ZC3H12B: variants seen among roughly 807,000 people sequenced by gnomAD.
ZC3H12B encodes zinc finger CCCH-type containing 12B.
Under a neutral mutation model 43.9 loss-of-function variants are expected in ZC3H12B, and 7 were observed. The ratio of observed to expected loss-of-function variants is 0.16; its 90% CI spans 0.09 to 0.30. The LOEUF is 0.30. ZC3H12B is among the 10% of genes least tolerant of loss of function. ZC3H12B has a pLI of 1.00. For synonymous variants in ZC3H12B, 222 were observed against 241.7 expected, an observed-to-expected ratio of 0.92 and a Z score of 0.76; for missense variants, 475 against 670.2, an observed-to-expected ratio of 0.71 and a Z score of 3.22.
the ZC3H12B span, among the ~76,000 whole-genome samples, chrX:65,227,394 G>A: frequency 2.4e-4 from 27 of 111,691 alleles, no homozygotes; most frequent in East Asian, 5.6e-4. Flanking sequence ...TGTGTACAGG[G>A]AAATTTATAA....
intron 2 of ZC3H12B, among the ~76,000 whole-genome samples, chrX:65,377,838 C>G (rs2066368352): frequency 9.0e-6 from 1 of 111,336 alleles, no homozygotes; most frequent in Non-Finnish European, 1.9e-5. Context: ...AGCAGCTCAG[C>G]CTGTAATCCC....
At chrX:65,386,856 C>T (rs772623878) in intron 2 of ZC3H12B, among the ~76,000 whole-genome samples, 59 of 111,414 alleles carry the variant, frequency 5.3e-4, no homozygotes, top group Non-Finnish European at 1.0e-3. Flanking sequence ...TCTTTGTTCT[C>T]GTTGGTTTCA....
At chrX:65,371,915 C>T (rs1476685397) in intron 2 of ZC3H12B, among the ~76,000 whole-genome samples, 1 of 111,346 alleles carries the variant, frequency 9.0e-6, no homozygotes, top group Non-Finnish European at 1.9e-5. Flanking sequence ...GTGTACCTCA[C>T]ACTTCTTTCA....
At position 65,489,553 on chromosome X, in the gene ZC3H12B, C is replaced by G. The variant is rs748197549; in HGVS notation, c.608+144C>G. ...GAAGGTGGCCAGAGACTAAAATGAT[C>G]CTGCCCTTGCCTTTTCTTCTTCCAC... On this transcript the variant is annotated intron_variant, in intron 1 of 4. Coordinates refer to ENST00000338957, the Ensembl canonical transcript of ZC3H12B. 1.7e-5 allele frequency: 13 copies of G among 752,049 alleles called. No homozygotes were observed. In the African/African-American group the frequency reaches 2.8e-4, roughly 16 times the overall value. 62.0% of individuals were successfully genotyped at this position (752,049 alleles called of 1,213,427 possible).
At chrX:65,168,831 G>T in the ZC3H12B span, among the ~76,000 whole-genome samples, 3 of 111,654 alleles carry the variant, frequency 2.7e-5, no homozygotes. Context: ...TTTTGTAGAG[G>T]TGTTTATACT....
At chrX:65,193,997 G>T in the ZC3H12B span, among the ~76,000 whole-genome samples, 1 of 110,501 alleles carries the variant, frequency 9.0e-6, no homozygotes, top group African/African-American at 3.3e-5. Context: ...TCATGTGGCT[G>T]GAGCAAGAGG....
chrX:65,228,796 G>C, the ZC3H12B span, among the ~76,000 whole-genome samples: 1 of 111,658 alleles, frequency 9.0e-6, no homozygotes, highest in African/African-American at 3.3e-5. Context: ...GCTTCAAAGA[G>C]AATAAAATAC....
chrX:65,407,700 C>A (rs1251136364), intron 3 of ZC3H12B, among the ~76,000 whole-genome samples: 2 of 113,706 alleles, frequency 1.8e-5, no homozygotes, highest in African/African-American at 6.4e-5. Context: ...GCCGCGCACG[C>A]GGATCCCCGA....
chrX:65,214,247 A>T, the ZC3H12B span, among the ~76,000 whole-genome samples: 2 of 111,160 alleles, frequency 1.8e-5, no homozygotes, highest in South Asian at 7.6e-4. Context: ...TAAAACAACA[A>T]TTAAATTTGC....
At chrX:65,251,161 GC>G in the ZC3H12B span, among the ~76,000 whole-genome samples, 1 of 111,804 alleles carries the variant, frequency 8.9e-6, no homozygotes, top group African/African-American at 3.3e-5. Context: ...CATATGGCTA[GC>G]CAGTTTTCCC....
chrX:65,433,660 T>C (rs181026906), intron 3 of ZC3H12B, among the ~76,000 whole-genome samples: 13 of 112,152 alleles, frequency 1.2e-4, no homozygotes, highest in African/African-American at 3.9e-4. Context: ...ATTTAATGTC[T>C]AGTAGTCGCT....
the ZC3H12B span, among the ~76,000 whole-genome samples, chrX:65,317,664 A>T: frequency 9.3e-6 from 1 of 108,088 alleles, no homozygotes; most frequent in African/African-American, 3.4e-5. Flanking sequence ...TTCATTTAGA[A>T]TAATAGTCTC....
chrX:65,386,300 A>G (rs985136525), intron 2 of ZC3H12B, among the ~76,000 whole-genome samples: 1 of 111,659 alleles, frequency 9.0e-6, no homozygotes, highest in African/African-American at 3.3e-5. Context: ...TTGGTAGGCT[A>G]TTAATTATTG....
At chrX:65,390,682 A>G (rs922660889) in intron 2 of ZC3H12B, among the ~76,000 whole-genome samples, 1 of 109,191 alleles carries the variant, frequency 9.2e-6, no homozygotes, top group African/African-American at 3.3e-5. Flanking sequence ...TTAAAAATAT[A>G]TCAACAAACA....
the ZC3H12B span, among the ~76,000 whole-genome samples, chrX:65,076,669 A>G: frequency 0.018 from 1,842 of 103,196 alleles, 36 homozygotes; most frequent in African/African-American, 0.06. Flanking sequence ...CTCACCTCTA[A>G]TCTAGTATTG....
the ZC3H12B span, among the ~76,000 whole-genome samples, chrX:65,301,511 C>T: frequency 1.8e-5 from 2 of 109,467 alleles, no homozygotes; most frequent in South Asian, 7.7e-4. Flanking sequence ...CTGTGGAATA[C>T]TATTCAGCCA....
the ZC3H12B span, among the ~76,000 whole-genome samples, chrX:65,123,895 GTCTT>G: frequency 9.1e-6 from 1 of 110,359 alleles, no homozygotes. Flanking sequence ...TTTTGGATGA[GTCTT>G]TAGGGTTTTC....
At chrX:65,219,809 T>C in the ZC3H12B span, among the ~76,000 whole-genome samples, 30 of 76,673 alleles carry the variant, frequency 3.9e-4, no homozygotes, top group South Asian at 7.3e-4. Context: ...TACACACACA[T>C]ACACACACAC....
At chrX:65,255,311 GC>G in the ZC3H12B span, among the ~76,000 whole-genome samples, 2 of 111,686 alleles carry the variant, frequency 1.8e-5, no homozygotes, top group African/African-American at 6.5e-5. Context: ...GAGAGAAGAG[GC>G]TGGTCACCAG....
Sources: allele counts gnomAD v4.1 joint callset (sites outside exome capture counted in the v4.1 genomes callset), GRCh38; gene constraint gnomAD v4.1.1; transcripts MANE v1.5; gene names NCBI Gene and HGNC (gene_info 2026-07-23, HGNC 2026-07-21).